DDHD2: variants seen among roughly 807,000 people sequenced by gnomAD.
DDHD2 encodes triacylglycerol hydrolase DDHD2.
In DDHD2, 62 loss-of-function variants were observed where a neutral mutation model predicts 91.2. The ratio of observed to expected loss-of-function variants is 0.68; its 90% CI spans 0.55 to 0.84. The LOEUF (loss-of-function observed/expected upper bound fraction) is 0.84, where lower values mean the gene tolerates loss of function less well. DDHD2 is among the 40% of genes least tolerant of loss of function. DDHD2 has a pLI of 0.00. For synonymous variants in DDHD2, 271 were observed against 293.9 expected (o/e 0.92, Z 0.80); for missense variants, 740 against 846.9 (o/e 0.87, Z 1.57).
Position 38,252,717 on chromosome 8 carries a change from T to A in DDHD2, c.1618-5T>A. On this transcript the variant is annotated splice_polypyrimidine_tract_variant and splice_region_variant and intron_variant, in intron 13 of 17. Transcript: ENST00000397166. ...GTAAATGTAGCTCTTGTTTTTCCTA[T>A]GTAGTTTGATCCTGTGGCCTATAGG... 6.2e-7 allele frequency: 1 copy of A among 1,608,250 alleles called. No individual in the cohort carries two copies. Among genetic ancestry groups the A allele is most frequent in the Non-Finnish European group, 8.5e-7 (1 of 1,174,968 alleles).
Position 38,234,411 on chromosome 8 carries a change from A to G in DDHD2, c.238A>G (p.Arg80Gly). ...AYSSGKGCNG[R>G]VVPTDGGRYD... is the part of the protein sequence containing the mutation. ...CTTGAAAGGAAAAGGTTGTAATGGGAGAGTTGTTCCTACTGATGGGGGCAG... is the reference window on the plus strand; with the variant it reads ...CTTGAAAGGAAAAGGTTGTAATGGGGGAGTTGTTCCTACTGATGGGGGCAG... Residue 80 changes from arginine (R) to glycine (G), a missense_variant, in exon 3 of 18, where the codon AGA (arginine) becomes GGA (glycine). Arg to Gly is a moderately radical substitution (Grantham distance 125, BLOSUM62 -2). This residue lies in a region of DDHD2 where 693 missense variants were observed against 764.2 expected (regional missense o/e 0.91). Coordinates refer to ENST00000397166, the MANE Select transcript of DDHD2 (RefSeq NM_015214.3). 1 of 1,586,094 alleles carries G rather than the reference A, an allele frequency of 6.3e-7. No homozygotes were observed. The highest frequency in any genetic ancestry group is 8.5e-7 in the Non-Finnish European group (1 of 1,171,846).
chr8:38,232,074 G>C (rs901467654), intron 1 of DDHD2: 1 of 153,158 alleles, frequency 6.5e-6, no homozygotes, highest in Non-Finnish European at 1.5e-5. Flanking sequence ...CTGAGCCCGA[G>C]CTCCGAGGGC....
intron 1 of DDHD2, chr8:38,269,615 G>A (rs1217732378): frequency 1.5e-5 from 3 of 194,928 alleles, no homozygotes; most frequent in African/African-American, 7.0e-5. Flanking sequence ...TGGCTGGATT[G>A]TGTCATTTAG....
At chr8:38,255,284 C>T in intron 16 of DDHD2, 1 of 447,984 alleles carries the variant, frequency 2.2e-6, no homozygotes, top group Non-Finnish European at 4.3e-6. Flanking sequence ...GATGCAATCA[C>T]TATCGTTTGT....
chr8:38,232,946 CAGTTA>C (rs1336579210), intron 1 of DDHD2, 36 bp from the exon 2 acceptor site: 1 of 1,484,536 alleles, frequency 6.7e-7, no homozygotes. Flanking sequence ...AACAGTTACA[CAGTTA>C]AGTTCGTTTT....
At chr8:38,244,568 T>A (rs536969533) in intron 7 of DDHD2, among the ~76,000 whole-genome samples, 1 of 150,412 alleles carries the variant, frequency 6.6e-6, no homozygotes, top group Non-Finnish European at 1.5e-5. Context: ...ACAGTATTTT[T>A]TTTGTTGTTT....
intron 11 of DDHD2, 34 bp downstream of exon 11, chr8:38,249,837 A>G: frequency 7.1e-7 from 1 of 1,405,216 alleles, no homozygotes; most frequent in Non-Finnish European, 1.0e-6. Flanking sequence ...GGACTAAACA[A>G]TTCTTTGATG....
intron 11 of DDHD2, chr8:38,251,663 C>T (rs778897863): frequency 1.1e-4 from 36 of 324,340 alleles, no homozygotes; most frequent in Non-Finnish European, 1.9e-4. Flanking sequence ...TTTTGGCTGC[C>T]ATTTCAGAAC....
chr8:38,234,601 T>G lies in DDHD2; in HGVS notation c.411+17T>G. 3.9e-6 allele frequency: 6 copies of G among 1,553,132 alleles called. No individual in the cohort carries two copies. Among genetic ancestry groups the G allele is most frequent in the East Asian group, 2.3e-5 (1 of 43,650 alleles). On this transcript the variant is annotated intron_variant, in intron 3 of 17. Coordinates refer to ENST00000397166, the MANE Select transcript of DDHD2 (RefSeq NM_015214.3). The stretch of plus-strand genomic sequence containing the variant: ...GTTTTAGAGGTATTCTTTTGACTCT[T>G]TTTTTACTTATTCTTTCTTTCTCTT...
At position 38,261,970 on chromosome 8, in the gene DDHD2, A is replaced by T. The variant is rs1187948084; in HGVS notation, c.*1397A>T. ...TGGTATTCAAAGCCACTGACATTTA[A>T]TATTTACTGAAGCCATTCCTTAGAC... On this transcript the variant is annotated 3_prime_UTR_variant, in exon 18 of 18. Transcript: ENST00000397166. 6.6e-6 allele frequency: 1 copy of T among 152,144 alleles called. No individual in the cohort carries two copies. Among genetic ancestry groups the T allele is most frequent in the African/African-American group, 2.4e-5 (1 of 41,420 alleles). The allele number at this position is 152,144 out of a possible 1,614,324, so 9.4% of individuals were successfully genotyped here.
chr8:38,260,635 CTGTT>C lies in DDHD2; in HGVS notation c.*67_*70del, dbSNP rs1301381913. Reference sequence around the variant, plus strand: ...AGGGATCCTTCCCCAGAAAATCCACCTGTTTGTTGCTGCAATTTTCCTCTCCTCA... The same window carrying C: ...AGGGATCCTTCCCCAGAAAATCCACCTGTTGCTGCAATTTTCCTCTCCTCA... On this transcript the variant is annotated 3_prime_UTR_variant, in exon 18 of 18. Coordinates refer to ENST00000397166, the MANE Select transcript of DDHD2 (RefSeq NM_015214.3). 1 of 153,274 alleles carries C rather than the reference CTGTT, an allele frequency of 6.5e-6. No individual in the cohort carries two copies. The highest frequency in any genetic ancestry group is 1.5e-5 in the Non-Finnish European group (1 of 68,566). The allele number at this position is 153,274 out of a possible 1,614,324, so 9.5% of individuals were successfully genotyped here.
In DDHD2 at chr8:38,237,590, C is replaced by T; in HGVS notation, c.464C>T (p.Ser155Phe). 3 of 1,594,232 alleles carry T rather than the reference C, an allele frequency of 1.9e-6. No homozygotes were observed. Residue 155 changes from serine (S) to phenylalanine (F), a missense_variant, in exon 4 of 18, where the codon TCT becomes TTT. Around this residue, in one of 2 missense-constraint regions of DDHD2, gnomAD observed 693 missense variants for 764.2 expected, o/e 0.91. Coordinates refer to ENST00000397166, the MANE Select transcript of DDHD2 (RefSeq NM_015214.3). ...GATGAATGGAAAAAGAAACTGGAAT[C>T]TCCCAACAGAGAAATTATTATTTTA... ...TLDEWKKKLE[S>F]PNREIIILHN... is the part of the protein sequence containing the mutation.
chr8:38,259,009 T>C (rs970716944), intron 16 of DDHD2, among the ~76,000 whole-genome samples: 10 of 152,164 alleles, frequency 6.6e-5, no homozygotes, highest in African/African-American at 2.4e-4. Flanking sequence ...TGTCAGAAGA[T>C]GGGAACTGGT....
At chr8:38,268,636 G>T in intron 1 of DDHD2, 2 of 1,438,180 alleles carry the variant, frequency 1.4e-6, no homozygotes, top group South Asian at 3.0e-5. Flanking sequence ...GTGCGGCTCG[G>T]GCCCCGGTAC....
chr8:38,268,457 A>G (rs1170920650), intron 1 of DDHD2: 3 of 1,569,930 alleles, frequency 1.9e-6, no homozygotes, highest in Non-Finnish European at 2.6e-6. Context: ...GAGAAATGCA[A>G]TAACCTGAAT....
At chr8:38,264,394 A>G (rs1807272480), downstream of DDHD2, 1 of 1,438,790 alleles carries the variant, frequency 7.0e-7, no homozygotes, top group African/African-American at 1.4e-5. Flanking sequence ...CAGCCTCCCA[A>G]AGTGTTGGGA....
At chr8:38,247,563 G>A (rs1028073552) in intron 9 of DDHD2, 150 bp from the exon 10 acceptor site, 3 of 454,840 alleles carry the variant, frequency 6.6e-6, no homozygotes, top group Non-Finnish European at 1.1e-5. Context: ...GCAAAACCTT[G>A]GAACCTCTTA....
chr8:38,236,543 T>C (rs958015159), intron 3 of DDHD2, among the ~76,000 whole-genome samples: 1 of 151,164 alleles, frequency 6.6e-6, no homozygotes, highest in African/African-American at 2.4e-5. Context: ...GAGACGGAGT[T>C]CCACTCTTGT....
downstream of DDHD2, chr8:38,265,401 C>T (rs1807440027): frequency 6.6e-6 from 1 of 152,342 alleles, no homozygotes; most frequent in Admixed American, 6.6e-5. Context: ...TCAAGCCATT[C>T]TCCTGCCTCA....
Sources: gnomAD v4.1 joint callset for allele counts (sites outside exome capture counted in the v4.1 genomes callset) on GRCh38, gnomAD v4.1.1 for gene constraint, gnomAD v4.1.1 regional missense constraint, MANE v1.5 for transcripts, NCBI Gene and HGNC (gene_info 2026-07-23, HGNC 2026-07-21) for gene names.